TAFA5: variants seen among roughly 807,000 people sequenced by gnomAD.
TAFA5 encodes TAFA chemokine like family member 5.
In TAFA5, 6 loss-of-function variants were observed where a neutral mutation model predicts 15.3. The observed-to-expected ratio is 0.39, with a 90% CI of 0.21 to 0.77. TAFA5 has a LOEUF of 0.77. Ranked by LOEUF, TAFA5 falls within the 30% of genes least tolerant of loss-of-function variation. The pLI, the probability that TAFA5 is intolerant of heterozygous loss-of-function variation, is 0.41. For synonymous variants in TAFA5, 103 were observed against 80.7 expected (o/e 1.28, Z -1.48); for missense variants, 161 against 193.1 (o/e 0.83, Z 0.98).
intron 1 of TAFA5, among the ~76,000 whole-genome samples, chr22:48,644,659 G>A (rs779290317): frequency 1.3e-5 from 2 of 152,234 alleles, no homozygotes; most frequent in Admixed American, 6.5e-5. Context: ...GCTGGGCTGG[G>A]GGACCCAGAG....
At chr22:48,726,170 A>T (rs372607100) in intron 3 of TAFA5, among the ~76,000 whole-genome samples, 1 of 152,226 alleles carries the variant, frequency 6.6e-6, no homozygotes, top group East Asian at 1.9e-4. Flanking sequence ...TTTACTTATG[A>T]ATTTGTTCTC....
At chr22:48,534,110 G>A (rs1254731061) in intron 1 of TAFA5, among the ~76,000 whole-genome samples, 13 of 152,104 alleles carry the variant, frequency 8.5e-5, no homozygotes, top group Non-Finnish European at 1.5e-5. Context: ...GTGAGGCAGG[G>A]CCAGGCAGGT....
Position 48,750,147 on chromosome 22 carries a change from T to C in TAFA5, c.*300T>C, listed in dbSNP as rs890797849. On this transcript the variant is annotated 3_prime_UTR_variant, in exon 4 of 4. Transcript: ENST00000402357. The stretch of plus-strand genomic sequence containing the variant: ...CCGCCGACCGTGGCGTTGGCCCTGC[T>C]GTCCTCAGAGGAGGAGGAGGAGGAG... 9.9e-5 allele frequency: 48 copies of C among 482,494 alleles called. 1 individual carries two copies. Among genetic ancestry groups the C allele is most frequent in the Non-Finnish European group, 1.5e-5 (4 of 267,438 alleles). 29.9% of individuals were successfully genotyped at this position (482,494 alleles called of 1,614,324 possible).
At chr22:48,729,761 T>C (rs1929817721) in intron 3 of TAFA5, among the ~76,000 whole-genome samples, 1 of 147,694 alleles carries the variant, frequency 6.8e-6, no homozygotes, top group African/African-American at 2.4e-5. Flanking sequence ...ATATGAAATA[T>C]ATAAATTTAA....
intron 2 of TAFA5, among the ~76,000 whole-genome samples, chr22:48,696,201 G>T (rs1037498109): frequency 1.6e-4 from 24 of 152,222 alleles, no homozygotes; most frequent in African/African-American, 5.8e-4. Flanking sequence ...GGAGGAAGGA[G>T]ACTGTGCCAG....
intron 1 of TAFA5, among the ~76,000 whole-genome samples, chr22:48,561,681 C>T (rs79467400): frequency 0.035 from 5,384 of 152,284 alleles, 324 homozygotes; most frequent in African/African-American, 0.12. Context: ...TGGAGATCCG[C>T]GATGCCCATT....
chr22:48,627,082 T>C (rs1193560030), intron 1 of TAFA5, among the ~76,000 whole-genome samples: 6 of 152,338 alleles, frequency 3.9e-5, no homozygotes, highest in Admixed American at 3.9e-4. Context: ...CTGTTTCCTG[T>C]AATCTGCCGG....
intron 2 of TAFA5, among the ~76,000 whole-genome samples, chr22:48,705,286 C>G (rs540591801): frequency 6.6e-6 from 1 of 152,256 alleles, no homozygotes; most frequent in African/African-American, 2.4e-5. Context: ...CACCCCACAG[C>G]GTCCTCTGCC....
chr22:48,545,185 C>T (rs1922618633), intron 1 of TAFA5: 1 of 312,648 alleles, frequency 3.2e-6, no homozygotes, highest in African/African-American at 2.2e-5. Flanking sequence ...GCTCTGCCCT[C>T]CCCTCAGTCT....
At chr22:48,737,134 C>T (rs1301056331) in intron 3 of TAFA5, among the ~76,000 whole-genome samples, 1 of 152,122 alleles carries the variant, frequency 6.6e-6, no homozygotes, top group Non-Finnish European at 1.5e-5. Context: ...CTCCTGACCT[C>T]TGTTGATGTG....
chr22:48,715,807 T>G (rs1929385950), intron 3 of TAFA5, among the ~76,000 whole-genome samples: 1 of 152,244 alleles, frequency 6.6e-6, no homozygotes, highest in South Asian at 2.1e-4. Flanking sequence ...ACAGTGAGTC[T>G]GGATGCTGTT....
At chr22:48,711,055 AG>A (rs1433886447) in intron 3 of TAFA5, among the ~76,000 whole-genome samples, 1 of 152,188 alleles carries the variant, frequency 6.6e-6, no homozygotes, top group Non-Finnish European at 1.5e-5. Flanking sequence ...AGGACACTGC[AG>A]GGGACCCCCC....
chr22:48,663,352 C>T (rs976161114), intron 2 of TAFA5, among the ~76,000 whole-genome samples: 4 of 152,140 alleles, frequency 2.6e-5, no homozygotes, highest in African/African-American at 9.7e-5. Context: ...CTTTATAGGT[C>T]CTGTGCCTCA....
At position 48,550,585 on chromosome 22, in the gene TAFA5, G is replaced by A. The variant is rs758655949; in HGVS notation, c.112+60881G>A. On this transcript the variant is annotated intron_variant, in intron 1 of 3. Transcript: ENST00000402357. This position sits in a 1 kb window ranked among gnomAD's most constrained non-coding sequence, Gnocchi z 4.1. ...GCCCTGCCCCCTACCCTCATCCCAC[G>A]GTTCCTAGCAGGTTCCATCGCCTTC... Among the ~76,000 whole-genome samples, 7 of 152,100 alleles carry A rather than the reference G, an allele frequency of 4.6e-5. No homozygotes were observed. Among genetic ancestry groups the A allele is most frequent in the African/African-American group, 1.7e-4 (7 of 41,432 alleles).
At chr22:48,579,418 C>G (rs1923948179) in intron 1 of TAFA5, among the ~76,000 whole-genome samples, 1 of 152,222 alleles carries the variant, frequency 6.6e-6, no homozygotes, top group African/African-American at 2.4e-5. Flanking sequence ...TTCTTCTGAA[C>G]TGCCTGGTGT....
intron 1 of TAFA5, among the ~76,000 whole-genome samples, chr22:48,539,718 G>T (rs183704005): frequency 2.0e-5 from 3 of 152,318 alleles, no homozygotes; most frequent in Admixed American, 2.0e-4. Flanking sequence ...TGGAGTTCCA[G>T]GGCCTGTCAG....
At chr22:48,711,406 G>C (rs1231780376) in intron 3 of TAFA5, among the ~76,000 whole-genome samples, 1 of 151,980 alleles carries the variant, frequency 6.6e-6, no homozygotes, top group African/African-American at 2.4e-5. Flanking sequence ...CACTCCAGGG[G>C]ACCGGGGTGG....
intron 3 of TAFA5, among the ~76,000 whole-genome samples, chr22:48,735,920 C>G (rs1413134181): frequency 1.3e-5 from 2 of 148,594 alleles, no homozygotes; most frequent in African/African-American, 5.0e-5. Context: ...GTCCATCCCC[C>G]CAGGAGGAAT....
At chr22:48,503,220 T>A (rs1920963084) in intron 1 of TAFA5, among the ~76,000 whole-genome samples, 1 of 152,036 alleles carries the variant, frequency 6.6e-6, no homozygotes, top group South Asian at 2.1e-4. Flanking sequence ...GAGAGAAGAG[T>A]TCTTGCTGCC....
Sources: allele counts gnomAD v4.1 joint callset (sites outside exome capture counted in the v4.1 genomes callset), GRCh38; gene constraint gnomAD v4.1.1; non-coding constraint Gnocchi (gnomAD v3.1); transcripts MANE v1.5; gene names NCBI Gene and HGNC (gene_info 2026-07-23, HGNC 2026-07-21).